Variants in SRSF3 observed in about 807,000 individuals in gnomAD.
SRSF3 encodes serine/arginine-rich splicing factor 3.
For synonymous variants in SRSF3, 87 were observed against 73.6 expected, an observed-to-expected ratio of 1.18 and a Z score of -0.93; for missense variants, 58 against 217.1, an observed-to-expected ratio of 0.27 and a Z score of 4.61.
chr6:36,597,233 GT>G (rs1778645717), intron 2 of SRSF3: 2 of 496,656 alleles, frequency 4.0e-6, no homozygotes, highest in Non-Finnish European at 7.2e-6. Flanking sequence ...AGCCTTCTGA[GT>G]AACTGGGACT....
chr6:36,599,159 C>T (rs1237537110), intron 3 of SRSF3, among the ~76,000 whole-genome samples, 176 bp downstream of exon 3: 1 of 152,078 alleles, frequency 6.6e-6, no homozygotes, highest in Non-Finnish European at 1.5e-5. Flanking sequence ...TGGCTTTTGT[C>T]TTTAGGTCAC....
In SRSF3 at chr6:36,601,569, C is replaced by G. The variant is rs1021727918; in HGVS notation, c.381-139C>G. On this transcript the variant is annotated intron_variant, in intron 4 of 5. Coordinates refer to ENST00000373715, the MANE Select transcript of SRSF3 (RefSeq NM_003017.5). ...TTGTTGTCCAATCTGTTCTCAAACT[C>G]TTGGCTTCAAGTGAGCCTCCTGCCT... is the stretch of plus-strand genomic sequence containing the variant. 5.2e-6 allele frequency: 4 copies of G among 766,326 alleles called. No individual in the cohort carries two copies. In the African/African-American group the frequency reaches 6.9e-5, roughly 13 times the overall value. The allele number at this position is 766,326 out of a possible 1,614,324, so 47.5% of individuals were successfully genotyped here.
In SRSF3 at chr6:36,602,987, C is replaced by A; in HGVS notation, c.*998C>A. On this transcript the variant is annotated 3_prime_UTR_variant, in exon 6 of 6. Coordinates refer to ENST00000373715, the MANE Select transcript of SRSF3 (RefSeq NM_003017.5). ...ATGGGAAGCAGTTGGTTACACGATT[C>A]TTATTTTATAAGAAACAGCTGAGAG... 4.6e-6 allele frequency: 1 copy of A among 217,688 alleles called. No homozygotes were observed. The highest frequency in any genetic ancestry group is 6.8e-5 in the East Asian group (1 of 14,672). 13.5% of individuals were successfully genotyped at this position (217,688 alleles called of 1,614,324 possible). A position where few individuals can be genotyped will look rare whatever the true frequency, so the allele number is the denominator to read the frequency against.
chr6:36,597,134 C>T (rs1305736384), intron 2 of SRSF3, 166 bp downstream of exon 2: 15 of 611,528 alleles, frequency 2.5e-5, no homozygotes, highest in Admixed American at 3.6e-5. Context: ...GGAGACGAGT[C>T]TTGCACTGTC....
chr6:36,595,282 A>G (rs968178695), intron 1 of SRSF3, among the ~76,000 whole-genome samples: 1 of 152,228 alleles, frequency 6.6e-6, no homozygotes, highest in Non-Finnish European at 1.5e-5. Flanking sequence ...TATCAAATAC[A>G]AGTCCGCCAA....
chr6:36,599,671 C>G, intron 3 of SRSF3: 3 of 556,932 alleles, frequency 5.4e-6, no homozygotes, highest in Non-Finnish European at 9.1e-6. Flanking sequence ...AAAATCTTGC[C>G]CCTTTTGCTA....
intron 3 of SRSF3, 127 bp from the exon 4 acceptor site, chr6:36,601,025 T>C (rs2127506403): frequency 1.1e-5 from 4 of 349,120 alleles, no homozygotes; most frequent in South Asian, 1.5e-4. Context: ...TTTTTTTTTT[T>C]TGGACGATGG....
At chr6:36,599,011 T>G (rs1303297841) in intron 3 of SRSF3, 28 bp downstream of exon 3, 2 of 1,612,838 alleles carry the variant, frequency 1.2e-6, no homozygotes, top group Non-Finnish European at 1.7e-6. Flanking sequence ...TGTTAAGAGG[T>G]ATTGGTGTAA....
At position 36,602,611 on chromosome 6, in the gene SRSF3, C is replaced by T. The variant is rs3173259; in HGVS notation, c.*622C>T. 980 of 216,016 alleles carry T rather than the reference C, an allele frequency of 4.5e-3. 8 individuals carry two copies. Among genetic ancestry groups the T allele is most frequent in the African/African-American group, 0.02 (907 of 44,440 alleles). The allele number at this position is 216,016 out of a possible 1,614,324, so 13.4% of individuals were successfully genotyped here. On this transcript the variant is annotated 3_prime_UTR_variant, in exon 6 of 6. Transcript: ENST00000373715. ...TGCTGTATATGGATACATGGCTGTT[C>T]GTGACATTCTTTATGTGCAAATTTG...
chr6:36,598,746 T>G (rs1778671962), intron 2 of SRSF3, 103 bp from the exon 3 acceptor site: 1 of 1,322,574 alleles, frequency 7.6e-7, no homozygotes, highest in South Asian at 1.4e-5. Context: ...GCACAGACAC[T>G]TAGGTGTGTT....
intron 2 of SRSF3, among the ~76,000 whole-genome samples, chr6:36,597,914 C>T (rs1180590137): frequency 6.6e-6 from 1 of 151,606 alleles, no homozygotes; most frequent in African/African-American, 2.4e-5. Flanking sequence ...AGGCTGGCCT[C>T]AAGCTCCTGG....
chr6:36,596,690 C>G, intron 1 of SRSF3, 71 bp from the exon 2 acceptor site: 2 of 1,379,184 alleles, frequency 1.5e-6, no homozygotes, highest in East Asian at 2.3e-5. Context: ...TAATGGAGTT[C>G]TTTCTAAGGA....
chr6:36,597,165 TAC>T, intron 2 of SRSF3, 197 bp downstream of exon 2: 1 of 588,030 alleles, frequency 1.7e-6, no homozygotes, highest in African/African-American at 2.0e-5. Context: ...AGTGCAGTGG[TAC>T]AGTCTCCCGC....
chr6:36,600,402 C>G (rs1778692677), intron 3 of SRSF3: 1 of 524,452 alleles, frequency 1.9e-6, no homozygotes, highest in Non-Finnish European at 2.4e-6. Context: ...ATATATATTG[C>G]TTGAAAAACT....
Position 36,601,192 on chromosome 6 carries a change from T to TAA in SRSF3, c.380+4_380+5dup, listed in dbSNP as rs754968902. On this transcript the variant is annotated splice_region_variant and intron_variant, in intron 4 of 5. Transcript: ENST00000373715. ...AAGCTTCTCTCGCAGCCGGAGCAGG[T>TAA]AAATGACTACCTTTTTTGGCTACGT... is the stretch of plus-strand genomic sequence containing the variant. 6 of 1,613,634 alleles carry TAA rather than the reference T, an allele frequency of 3.7e-6. No individual in the cohort carries two copies. Among genetic ancestry groups the TAA allele is most frequent in the Admixed American group, 3.3e-5 (2 of 59,940 alleles).
chr6:36,597,001 T>TG, intron 2 of SRSF3, 33 bp downstream of exon 2: 1 of 1,603,726 alleles, frequency 6.2e-7, no homozygotes, highest in East Asian at 2.2e-5. Context: ...AAAAATGTGT[T>TG]GCTTGTGTTT....
At chr6:36,601,935 G>GTTTT (rs761840680) in intron 5 of SRSF3, 27 bp from the exon 6 acceptor site, 26 of 1,318,470 alleles carry the variant, frequency 2.0e-5, no homozygotes, top group South Asian at 1.1e-4. Flanking sequence ...GTAATGTTTT[G>GTTTT]TTTTCTTTTT....
chr6:36,597,096 T>A, intron 2 of SRSF3, 128 bp downstream of exon 2: 3 of 535,648 alleles, frequency 5.6e-6, no homozygotes, highest in Non-Finnish European at 6.4e-6. Context: ...ACAATTGGGA[T>A]CTTTTTTTTT....
rs552320405 is a variant in SRSF3 at position 36,603,747 on chromosome 6, T to C, written c.*1758T>C. 10 of 231,050 alleles carry C rather than the reference T, an allele frequency of 4.3e-5. No individual in the cohort carries two copies. The South Asian group carries it at 1.8e-3, about 42-fold the overall frequency. The allele number at this position is 231,050 out of a possible 1,614,324, so 14.3% of individuals were successfully genotyped here. On this transcript the variant is annotated 3_prime_UTR_variant, in exon 6 of 6. Coordinates refer to ENST00000373715, the MANE Select transcript of SRSF3 (RefSeq NM_003017.5). ...CACATAGCCTACAACCTGTTCCTGTTAGGAACAAGCCAAGATAGCTAAGAA... is the reference window on the plus strand; with the variant it reads ...CACATAGCCTACAACCTGTTCCTGTCAGGAACAAGCCAAGATAGCTAAGAA...
Sources: allele counts gnomAD v4.1 joint callset (sites outside exome capture counted in the v4.1 genomes callset), GRCh38; gene constraint gnomAD v4.1.1; transcripts MANE v1.5; gene names NCBI Gene and HGNC (gene_info 2026-07-23, HGNC 2026-07-21).